MAPK10: variants seen among roughly 807,000 people sequenced by gnomAD.
The protein encoded by MAPK10 is mitogen-activated protein kinase 10.
A neutral mutation model predicts 59.3 loss-of-function variants in MAPK10; 25 were observed. The observed-to-expected ratio is 0.42, with a 90% CI of 0.31 to 0.59. The LOEUF is 0.59. Among genes scored for constraint, MAPK10 ranks in the 20% least tolerant of loss-of-function variants. MAPK10 has a pLI of 0.15. For missense variants in MAPK10, 351 were observed against 568.9 expected (o/e 0.62, Z 3.90); for synonymous variants, 190 against 200.5 (o/e 0.95, Z 0.44).
intron 1 of MAPK10, among the ~76,000 whole-genome samples, chr4:86,529,339 C>T (rs1165785655): frequency 1.3e-5 from 2 of 152,254 alleles, no homozygotes; most frequent in East Asian, 1.9e-4. Context: ...ATATTCTCTG[C>T]ACCAACTCTC....
chr4:86,488,529 C>T (rs1754206501), intron 1 of MAPK10, among the ~76,000 whole-genome samples: 1 of 152,128 alleles, frequency 6.6e-6, no homozygotes, highest in Admixed American at 6.6e-5. Context: ...TCTTGGGCAA[C>T]ATTTTAAAAT....
chr4:86,185,095 C>T (rs1005865025), intron 3 of MAPK10, among the ~76,000 whole-genome samples: 1 of 152,118 alleles, frequency 6.6e-6, no homozygotes, highest in African/African-American at 2.4e-5. Context: ...ACCAACTTGG[C>T]ATCGTTAAAC....
chr4:86,198,736 A>T (rs553968426), intron 2 of MAPK10, among the ~76,000 whole-genome samples: 10 of 151,790 alleles, frequency 6.6e-5, no homozygotes, highest in Admixed American at 5.3e-4. Context: ...AACTATATTA[A>T]AATTAATAAT....
At chr4:86,037,851 T>G (rs935399333) in intron 11 of MAPK10, among the ~76,000 whole-genome samples, 1 of 152,174 alleles carries the variant, frequency 6.6e-6, no homozygotes, top group Non-Finnish European at 1.5e-5. Flanking sequence ...ATAATGGAAT[T>G]CTTATGGTTG....
In MAPK10 at chr4:86,017,730, T is replaced by G. The variant is rs1408614398; in HGVS notation, c.1253-360A>C. On this transcript the variant is annotated intron_variant, in intron 13 of 13. Coordinates refer to ENST00000641462, the MANE Select transcript of MAPK10 (RefSeq NM_138982.4). This position sits in a 1 kb window ranked among gnomAD's most constrained non-coding sequence, Gnocchi z 4.4. ...GCCAAGGTATTTGCATTTTTATTTA[T>G]TTATTTTTTTTGAGATGGAGTCTCG... Among the ~76,000 whole-genome samples the G allele has an allele frequency of 6.6e-6, 1 of 152,172 alleles. No individual in the cohort carries two copies. Among genetic ancestry groups the G allele is most frequent in the Admixed American group, 6.5e-5 (1 of 15,278 alleles).
intron 11 of MAPK10, among the ~76,000 whole-genome samples, chr4:86,064,054 C>G (rs1401856324): frequency 6.6e-6 from 1 of 152,126 alleles, no homozygotes; most frequent in Non-Finnish European, 1.5e-5. Flanking sequence ...GTTTGTAGGA[C>G]TAAATCATAC....
chr4:86,117,842 C>T (rs185355187), intron 4 of MAPK10: 2 of 152,262 alleles, frequency 1.3e-5, no homozygotes, highest in East Asian at 1.9e-4. Flanking sequence ...TCCACTCCCC[C>T]GTTCACAGCA....
chr4:86,540,240 C>A (rs191280023), intron 1 of MAPK10, among the ~76,000 whole-genome samples: 1 of 152,330 alleles, frequency 6.6e-6, no homozygotes, highest in Admixed American at 6.5e-5. Context: ...TTAGCTCACA[C>A]CTATAATCCT....
intron 1 of MAPK10, among the ~76,000 whole-genome samples, chr4:86,468,321 C>T (rs147522444): frequency 2.6e-5 from 4 of 152,246 alleles, no homozygotes; most frequent in African/African-American, 7.2e-5. Flanking sequence ...GCAAGAGTCC[C>T]CCTCCCCCTA....
intron 4 of MAPK10, among the ~76,000 whole-genome samples, chr4:86,137,137 G>A (rs1378727738): frequency 6.6e-6 from 1 of 150,908 alleles, no homozygotes; most frequent in East Asian, 1.9e-4. Context: ...GAGACAGAAG[G>A]TCAACAAGGA....
chr4:86,489,385 C>T (rs886281482), intron 1 of MAPK10, among the ~76,000 whole-genome samples: 2 of 152,256 alleles, frequency 1.3e-5, no homozygotes, highest in African/African-American at 2.4e-5. Context: ...CACTCCCCAC[C>T]GAAAGGCTGA....
At chr4:86,446,903 T>C (rs1247643199) in intron 1 of MAPK10, among the ~76,000 whole-genome samples, 1 of 152,214 alleles carries the variant, frequency 6.6e-6, no homozygotes, top group African/African-American at 2.4e-5. Flanking sequence ...TCTTTTTTTA[T>C]TGATGTTTAA....
chr4:86,315,024 A>C (rs1223632482), intron 2 of MAPK10, among the ~76,000 whole-genome samples: 1 of 152,154 alleles, frequency 6.6e-6, no homozygotes, highest in African/African-American at 2.4e-5. Context: ...TAATGCTTAT[A>C]ATTTTTGCTA....
At chr4:86,087,242 A>G (rs1429003949) in intron 9 of MAPK10, among the ~76,000 whole-genome samples, 1 of 152,220 alleles carries the variant, frequency 6.6e-6, no homozygotes, top group Non-Finnish European at 1.5e-5. Context: ...ATTTTAATTT[A>G]CAGGTGGCAA....
upstream of MAPK10, among the ~76,000 whole-genome samples, chr4:86,362,205 T>A (rs778608069): frequency 2.0e-5 from 3 of 152,132 alleles, no homozygotes; most frequent in South Asian, 6.2e-4. Flanking sequence ...TAAAAGTGAA[T>A]GTCCAGTAAC....
rs73835401 is a variant in MAPK10, at chr4:86,400,751, G to A, written c.-121-46107C>T. 1.7e-3 allele frequency among the ~76,000 whole-genome samples: 264 copies of A among 152,198 alleles called. 1 individual carries two copies. Among genetic ancestry groups the A allele is most frequent in the African/African-American group, 6.2e-3 (258 of 41,546 alleles). On this transcript the variant is annotated intron_variant, in intron 1 of 13. Transcript: ENST00000361569. ...TCAATATTGGTTTAACTCCCTTGCA[G>A]TTTTTTGGAAGTCAATTACTTCTAA...
At chr4:86,022,709 A>G (rs1578668728) in intron 13 of MAPK10, among the ~76,000 whole-genome samples, 1 of 152,010 alleles carries the variant, frequency 6.6e-6, no homozygotes, top group African/African-American at 2.4e-5. Flanking sequence ...GGAGCTTGCC[A>G]TGTTGCCCAA....
At chr4:86,109,745 A>T (rs1345164590) in intron 4 of MAPK10, among the ~76,000 whole-genome samples, 1 of 152,192 alleles carries the variant, frequency 6.6e-6, no homozygotes, top group Non-Finnish European at 1.5e-5. Flanking sequence ...CTTTGGGTAT[A>T]TACCCGGTAA....
chr4:86,136,326 C>T (rs1396832878), intron 4 of MAPK10, among the ~76,000 whole-genome samples: 8 of 152,158 alleles, frequency 5.3e-5, no homozygotes, highest in Non-Finnish European at 1.0e-4. Context: ...ATCAGACTAA[C>T]AGTGGATCTC....
Sources: gnomAD v4.1 joint callset for allele counts (sites outside exome capture counted in the v4.1 genomes callset) on GRCh38, gnomAD v4.1.1 for gene constraint, Gnocchi (gnomAD v3.1) non-coding constraint, MANE v1.5 for transcripts, NCBI Gene and HGNC (gene_info 2026-07-23, HGNC 2026-07-21) for gene names.